Variants in INTS2 observed in about 807,000 individuals in gnomAD.
INTS2 encodes KIAA1287.
Under a neutral mutation model 139.6 loss-of-function variants are expected in INTS2, and 57 were observed. That is an observed-to-expected ratio of 0.41 (90% CI 0.33 to 0.51). The LOEUF (loss-of-function observed/expected upper bound fraction) is 0.51, where lower values mean the gene tolerates loss of function less well. INTS2 is among the 20% of genes least tolerant of loss of function. INTS2 has a pLI of 0.28. For missense variants in INTS2, 1,196 were observed against 1,436.7 expected (o/e 0.83, Z 2.71); for synonymous variants, 473 against 493.4 (o/e 0.96, Z 0.55).
chr17:61,891,447 T>C, intron 14 of INTS2, 66 bp downstream of exon 14: 1 of 1,218,996 alleles, frequency 8.2e-7, no homozygotes, highest in Non-Finnish European at 1.2e-6. Flanking sequence ...AAAATAAAAA[T>C]ATGGGTTAAG....
intron 5 of INTS2, among the ~76,000 whole-genome samples, 186 bp downstream of exon 5, chr17:61,919,214 C>A (rs570890744): frequency 6.6e-6 from 1 of 151,872 alleles, no homozygotes; most frequent in Non-Finnish European, 1.5e-5. Context: ...TGAGCCACTG[C>A]GCCCAGCCTG....
intron 9 of INTS2, among the ~76,000 whole-genome samples, chr17:61,904,131 A>C (rs2079436642): frequency 6.6e-6 from 1 of 152,164 alleles, no homozygotes; most frequent in Non-Finnish European, 1.5e-5. Flanking sequence ...TGCTACTGAT[A>C]TCCTTATTTT....
chr17:61,921,928 T>C lies in INTS2; in HGVS notation c.433-101A>G, dbSNP rs2079645913. 7.9e-6 allele frequency: 5 copies of C among 635,592 alleles called. No homozygotes were observed. In the South Asian group the frequency reaches 9.2e-5, roughly 12 times the overall value. The allele number at this position is 635,592 out of a possible 1,614,324, so 39.4% of individuals were successfully genotyped here. ...TGAGCTCACAGATTATGTCTCTTAA[T>C]GTATCACTAATATACCACAGCAGAA... On this transcript the variant is annotated intron_variant, in intron 3 of 24. Coordinates refer to ENST00000251334, the MANE Select transcript of INTS2 (RefSeq NM_001351695.2).
At chr17:61,920,028 T>C (rs1567919269) in intron 4 of INTS2, among the ~76,000 whole-genome samples, 1 of 152,166 alleles carries the variant, frequency 6.6e-6, no homozygotes, top group Non-Finnish European at 1.5e-5. Context: ...AGGATACTTA[T>C]ATTAAAAACA....
intron 7 of INTS2, among the ~76,000 whole-genome samples, chr17:61,907,884 G>T (rs1187355990): frequency 1.3e-5 from 2 of 152,142 alleles, no homozygotes; most frequent in Non-Finnish European, 1.5e-5. Flanking sequence ...TTGAATTGTG[G>T]AATATTATTT....
chr17:61,924,019 A>G (rs2079681324), intron 3 of INTS2, among the ~76,000 whole-genome samples: 1 of 152,216 alleles, frequency 6.6e-6, no homozygotes, highest in Non-Finnish European at 1.5e-5. Flanking sequence ...TCAATTAACT[A>G]TATTACCCAA....
intron 17 of INTS2, among the ~76,000 whole-genome samples, chr17:61,878,940 A>AC (rs1445370001): frequency 5.3e-5 from 8 of 150,412 alleles, no homozygotes; most frequent in African/African-American, 2.0e-4. Flanking sequence ...CCAAAAAAAA[A>AC]AAAAAAAAAA....
chr17:61,877,693 C>G (rs2079137776), intron 18 of INTS2, among the ~76,000 whole-genome samples, 194 bp downstream of exon 18: 1 of 152,108 alleles, frequency 6.6e-6, no homozygotes, highest in African/African-American at 2.4e-5. Context: ...TGTAAGGTTT[C>G]TATTTCAATA....
chr17:61,872,462 TA>T lies in INTS2; in HGVS notation c.2583-3del. 1 of 1,546,286 alleles carries T rather than the reference TA, an allele frequency of 6.5e-7. No individual in the cohort carries two copies. ...GTAATATCCATCAGTGGGGGGCATC[TA>T]AACAAGGAAAGCAGAAAAGAAAAAT... On this transcript the variant is annotated splice_polypyrimidine_tract_variant and splice_region_variant and intron_variant, in intron 19 of 24. Coordinates refer to ENST00000251334, the MANE Select transcript of INTS2 (RefSeq NM_001351695.2). The surrounding 1 kb of genome is among the most constrained non-coding windows in gnomAD (Gnocchi z 4.8).
intron 8 of INTS2, among the ~76,000 whole-genome samples, chr17:61,904,944 TA>T (rs1271712652): frequency 1.4e-5 from 2 of 141,352 alleles, no homozygotes; most frequent in African/African-American, 5.4e-5. Context: ...TTATAATGCA[TA>T]ATTTTTTTTT....
chr17:61,869,185 T>C lies in INTS2; in HGVS notation c.3139-46A>G. On this transcript the variant is annotated intron_variant, in intron 22 of 24. Coordinates refer to ENST00000251334, the MANE Select transcript of INTS2 (RefSeq NM_001351695.2). The surrounding 1 kb of genome is among the most constrained non-coding windows in gnomAD (Gnocchi z 5.4). ...ATTACATGTTTCTCAAGAATATCTTTAGGTATTAAAAATTATAAAATGTTT... is the reference window on the plus strand; with the variant it reads ...ATTACATGTTTCTCAAGAATATCTTCAGGTATTAAAAATTATAAAATGTTT... 1 of 1,473,732 alleles carries C rather than the reference T, an allele frequency of 6.8e-7. No individual in the cohort carries two copies. Among genetic ancestry groups the C allele is most frequent in the Non-Finnish European group, 9.5e-7 (1 of 1,056,220 alleles). 91.3% of individuals were successfully genotyped at this position (1,473,732 alleles called of 1,614,324 possible).
intron 3 of INTS2, among the ~76,000 whole-genome samples, chr17:61,924,023 T>C (rs537216651): frequency 1.1e-4 from 17 of 152,340 alleles, no homozygotes; most frequent in Non-Finnish European, 2.4e-4. Flanking sequence ...TTAACTATAT[T>C]ACCCAAAGGT....
chr17:61,906,479 C>CATCAGTGATTACA (rs1161709896), intron 8 of INTS2, among the ~76,000 whole-genome samples: 1 of 152,126 alleles, frequency 6.6e-6, no homozygotes, highest in Non-Finnish European at 1.5e-5. Context: ...CTGTTATTTA[C>CATCAGTGATTACA]TTAGTGATCT....
In INTS2 at chr17:61,926,342, A is replaced by G. The variant is rs2079713350; in HGVS notation, c.293+10T>C. ...AATCCAAATCCACATATAATATAAC[A>G]TAACATTACCTAAGCTGCTGTTCTT... On this transcript the variant is annotated intron_variant, in intron 2 of 24. Coordinates refer to ENST00000251334, the MANE Select transcript of INTS2 (RefSeq NM_001351695.2). 6.4e-7 allele frequency: 1 copy of G among 1,571,902 alleles called. No individual in the cohort carries two copies. The highest frequency in any genetic ancestry group is 2.3e-5 in the East Asian group (1 of 44,282).
intron 17 of INTS2, among the ~76,000 whole-genome samples, chr17:61,880,289 G>A (rs933602841): frequency 1.8e-4 from 27 of 151,782 alleles, no homozygotes; most frequent in Admixed American, 2.0e-4. Flanking sequence ...CTCATGATCC[G>A]CCTGCCTCGG....
chr17:61,916,976 A>G (rs776580790), intron 5 of INTS2, among the ~76,000 whole-genome samples: 3 of 152,226 alleles, frequency 2.0e-5, no homozygotes, highest in Non-Finnish European at 4.4e-5. Context: ...AAGTGAGGAA[A>G]GAACACGAAC....
chr17:61,899,501 C>A (rs967778770), intron 9 of INTS2, among the ~76,000 whole-genome samples: 2 of 152,154 alleles, frequency 1.3e-5, no homozygotes, highest in African/African-American at 4.8e-5. Flanking sequence ...GATCCACCCA[C>A]CTTGGCCTCC....
intron 9 of INTS2, among the ~76,000 whole-genome samples, chr17:61,903,528 A>G (rs1456832430): frequency 6.6e-6 from 1 of 152,078 alleles, no homozygotes; most frequent in African/African-American, 2.4e-5. Flanking sequence ...AGAAGATGAA[A>G]CTCACAGACT....
Position 61,872,367 on chromosome 17 carries a change from C to T in INTS2, c.2676G>A (p.Glu892=), listed in dbSNP as rs764553197. Residue 892 remains glutamate, a synonymous_variant, in exon 20 of 25, where the codon GAG becomes GAA. Transcript: ENST00000251334. This position sits in a 1 kb window ranked among gnomAD's most constrained non-coding sequence, Gnocchi z 4.8. ...TATTATTCTGGGAAGGCCTATCTTG[C>T]TCTGTTTCCTTCAGATGAGCACTAA... The part of the protein sequence containing the change: ...AYLSAHLKET[E]QDRPSQNNTI... 6.2e-7 allele frequency: 1 copy of T among 1,612,680 alleles called. No individual in the cohort carries two copies. Among genetic ancestry groups the T allele is most frequent in the Admixed American group, 1.7e-5 (1 of 60,024 alleles).
Sources: gnomAD v4.1 joint callset for allele counts (sites outside exome capture counted in the v4.1 genomes callset) on GRCh38, gnomAD v4.1.1 for gene constraint, Gnocchi (gnomAD v3.1) non-coding constraint, MANE v1.5 for transcripts, NCBI Gene and HGNC (gene_info 2026-07-23, HGNC 2026-07-21) for gene names.